LARS2: variants seen among roughly 807,000 people sequenced by gnomAD.
The protein encoded by LARS2 is leucyl-tRNA synthetase 2, mitochondrial.
In LARS2, 81 loss-of-function variants were observed where a neutral mutation model predicts 116.6. The ratio of observed to expected loss-of-function variants is 0.69; its 90% CI spans 0.58 to 0.84. The LOEUF (loss-of-function observed/expected upper bound fraction) is 0.84, where lower values mean the gene tolerates loss of function less well. Ranked by LOEUF, LARS2 falls within the 40% of genes least tolerant of loss-of-function variation. LARS2 has a pLI of 0.00. For missense variants in LARS2, 968 were observed against 1,114.5 expected (o/e 0.87, Z 1.87); for synonymous variants, 396 against 407.2 (o/e 0.97, Z 0.33).
At chr3:45,407,224 C>T (rs1698247809) in intron 4 of LARS2, among the ~76,000 whole-genome samples, 1 of 152,174 alleles carries the variant, frequency 6.6e-6, no homozygotes, top group Non-Finnish European at 1.5e-5. Context: ...AAGTTCTTAG[C>T]AAGTAAACAA....
chr3:45,391,896 A>G (rs1479825434), intron 2 of LARS2, among the ~76,000 whole-genome samples: 1 of 152,204 alleles, frequency 6.6e-6, no homozygotes, highest in African/African-American at 2.4e-5. Flanking sequence ...AGTTCAAGTC[A>G]CTGTATTTTA....
chr3:45,517,548 A>G (rs887649006), intron 17 of LARS2, among the ~76,000 whole-genome samples: 2 of 152,212 alleles, frequency 1.3e-5, no homozygotes, highest in Non-Finnish European at 2.9e-5. Context: ...CCAAAGCACC[A>G]TGTTAACTCC....
At chr3:45,473,548 T>C (rs1699562586) in intron 8 of LARS2, among the ~76,000 whole-genome samples, 1 of 151,960 alleles carries the variant, frequency 6.6e-6, no homozygotes, top group African/African-American at 2.4e-5. Context: ...CACGCCTGGC[T>C]AATTTTTGTA....
intron 2 of LARS2, among the ~76,000 whole-genome samples, chr3:45,391,984 C>T (rs572557044): frequency 1.1e-4 from 17 of 152,156 alleles, no homozygotes; most frequent in Admixed American, 1.1e-3. Flanking sequence ...GGGATGCTGT[C>T]TAGGAGAGAA....
At chr3:45,391,886 A>G (rs923079451) in intron 2 of LARS2, among the ~76,000 whole-genome samples, 3 of 152,230 alleles carry the variant, frequency 2.0e-5, no homozygotes, top group African/African-American at 7.2e-5. Context: ...TAGGCAGAGC[A>G]GTTCAAGTCA....
At chr3:45,497,348 A>T (rs1700031081) in intron 14 of LARS2, among the ~76,000 whole-genome samples, 1 of 152,038 alleles carries the variant, frequency 6.6e-6, no homozygotes, top group African/African-American at 2.4e-5. Flanking sequence ...AGGTAGCCTT[A>T]TAAAGAGAGA....
At chr3:45,410,481 A>G (rs530530039) in intron 4 of LARS2, among the ~76,000 whole-genome samples, 29 of 152,196 alleles carry the variant, frequency 1.9e-4, no homozygotes, top group Non-Finnish European at 2.9e-4. Context: ...CCACGGACTA[A>G]AAACCCAGCT....
intron 15 of LARS2, among the ~76,000 whole-genome samples, chr3:45,501,561 A>G (rs534292245): frequency 6.6e-6 from 1 of 152,286 alleles, no homozygotes; most frequent in South Asian, 2.1e-4. Context: ...TCCAAAATAG[A>G]ACTCAGTTTA....
At chr3:45,467,429 G>A (rs1393131385) in intron 8 of LARS2, among the ~76,000 whole-genome samples, 3 of 152,230 alleles carry the variant, frequency 2.0e-5, no homozygotes, top group African/African-American at 7.2e-5. Context: ...CAGTAGAGCT[G>A]TAATAAGTTG....
intron 6 of LARS2, 29 bp from the exon 7 acceptor site, chr3:45,446,862 T>G (rs755438893): frequency 7.2e-7 from 1 of 1,385,632 alleles, no homozygotes; most frequent in South Asian, 1.2e-5. Flanking sequence ...TATAATGGCC[T>G]GTACATTATT....
intron 21 of LARS2, among the ~76,000 whole-genome samples, chr3:45,542,444 T>G (rs1293389310): frequency 6.6e-6 from 1 of 152,226 alleles, no homozygotes; most frequent in East Asian, 1.9e-4. Flanking sequence ...GTTTATCGTT[T>G]AAACCCTTTC....
In LARS2 at chr3:45,476,665, C is replaced by T. The variant is rs764072641; in HGVS notation, c.1018+38C>T. On this transcript the variant is annotated intron_variant, in intron 10 of 21. Coordinates refer to ENST00000645846, the MANE Select transcript of LARS2 (RefSeq NM_015340.4). ...GTTAACGGCTCAGGTGGTAGGATTG[C>T]TACCTTACATTTGGATGGCGCCTCC... 4 of 1,607,164 alleles carry T rather than the reference C, an allele frequency of 2.5e-6. No homozygotes were observed. The Admixed American group carries it at 5.0e-5, about 20-fold the overall frequency.
intron 15 of LARS2, among the ~76,000 whole-genome samples, chr3:45,501,522 C>T (rs143876278): frequency 7.9e-5 from 12 of 152,254 alleles, no homozygotes; most frequent in African/African-American, 1.4e-4. Flanking sequence ...TTCACTGCTG[C>T]GTGATATTCC....
At chr3:45,476,084 G>A (rs1200433061) in intron 9 of LARS2, among the ~76,000 whole-genome samples, 5 of 140,222 alleles carry the variant, frequency 3.6e-5, no homozygotes, top group African/African-American at 8.2e-5. Context: ...TTTTTTTACC[G>A]TACCCTTATA....
At chr3:45,422,147 T>C (rs1391801649) in intron 6 of LARS2, 5 of 152,364 alleles carry the variant, frequency 3.3e-5, no homozygotes, top group Admixed American at 2.0e-4. Flanking sequence ...CCATAAAGGC[T>C]ATACAAATTT....
chr3:45,420,281 C>T (rs865820540), intron 6 of LARS2, among the ~76,000 whole-genome samples: 1 of 152,210 alleles, frequency 6.6e-6, no homozygotes, highest in African/African-American at 2.4e-5. Context: ...TTGGAACACT[C>T]GTGTTGCAAA....
At chr3:45,531,664 A>T (rs1012893904) in intron 20 of LARS2, among the ~76,000 whole-genome samples, 1 of 152,142 alleles carries the variant, frequency 6.6e-6, no homozygotes, top group African/African-American at 2.4e-5. Flanking sequence ...GATTATAGGC[A>T]TGAGCCACTG....
chr3:45,426,638 C>T (rs755652723), intron 6 of LARS2, among the ~76,000 whole-genome samples: 3 of 152,132 alleles, frequency 2.0e-5, no homozygotes, highest in Admixed American at 1.3e-4. Flanking sequence ...CATTAATAGA[C>T]GGTACACTTG....
In LARS2 at chr3:45,394,416, T is replaced by G. The variant is rs745550417; in HGVS notation, c.-21-17T>G. 1.3e-6 allele frequency: 2 copies of G among 1,487,346 alleles called. No individual in the cohort carries two copies. The highest frequency in any genetic ancestry group is 2.3e-5 in the South Asian group (2 of 88,028). 92.1% of individuals were successfully genotyped at this position (1,487,346 alleles called of 1,614,324 possible). On this transcript the variant is annotated splice_polypyrimidine_tract_variant and intron_variant, in intron 2 of 21. Transcript: ENST00000645846. The stretch of plus-strand genomic sequence containing the variant: ...GTTTGAGGCAGCTCATAGTGTGCTT[T>G]CTGCCCTCTTTTTCAGGGCCTTCTC...
Sources: allele counts gnomAD v4.1 joint callset (sites outside exome capture counted in the v4.1 genomes callset), GRCh38; gene constraint gnomAD v4.1.1; transcripts MANE v1.5; gene names NCBI Gene and HGNC (gene_info 2026-07-23, HGNC 2026-07-21).